Variants in SLC17A9 observed in about 807,000 individuals in gnomAD.
SLC17A9 encodes the protein voltage-gated purine nucleotide uniporter SLC17A9.
Under a neutral mutation model 55.0 loss-of-function variants are expected in SLC17A9, and 49 were observed. The ratio of observed to expected loss-of-function variants is 0.89; its 90% CI spans 0.71 to 1.13. The LOEUF (loss-of-function observed/expected upper bound fraction) is 1.13, where lower values mean the gene tolerates loss of function less well. Ranked by LOEUF, SLC17A9 falls within the 50% of genes most tolerant of loss-of-function variation. The pLI is 0.00. For missense variants in SLC17A9, 526 were observed against 569.3 expected (o/e 0.92, Z 0.77); for synonymous variants, 256 against 247.4 (o/e 1.03, Z -0.32).
At chr20:62,954,382 G>A (rs1045535247) in intron 1 of SLC17A9, among the ~76,000 whole-genome samples, 14 of 152,224 alleles carry the variant, frequency 9.2e-5, no homozygotes, top group Admixed American at 5.9e-4. Context: ...GCCCGGCCCC[G>A]CACAGTTCCC....
In SLC17A9 at chr20:62,969,009, A is replaced by G. The variant is rs1325955255; in HGVS notation, c.*1509A>G. 2 of 152,262 alleles carry G rather than the reference A, an allele frequency of 1.3e-5. No homozygotes were observed. The highest frequency in any genetic ancestry group is 2.1e-4 in the South Asian group (1 of 4,830). The allele number at this position is 152,262 out of a possible 1,614,324, so 9.4% of individuals were successfully genotyped here. A position where few individuals can be genotyped will look rare whatever the true frequency, so the allele number is the denominator to read the frequency against. On this transcript the variant is annotated 3_prime_UTR_variant, in exon 13 of 13. Transcript: ENST00000370351. ...TGGCACCATGGGTACAGCCTAGAGC[A>G]TCACCCCCACAGAGGCTTCGGGACG...
Position 62,967,905 on chromosome 20 carries a change from G to C in SLC17A9, c.*405G>C, listed in dbSNP as rs911400730. 3 of 170,400 alleles carry C rather than the reference G, an allele frequency of 1.8e-5. No homozygotes were observed. Among genetic ancestry groups the C allele is most frequent in the Non-Finnish European group, 2.5e-5 (2 of 79,412 alleles). The allele number at this position is 170,400 out of a possible 1,614,324, so 10.6% of individuals were successfully genotyped here. On this transcript the variant is annotated 3_prime_UTR_variant, in exon 13 of 13. Transcript: ENST00000370351. ...CCTCCTGCAGCGCCCGCCTGCCAAT[G>C]TGAGGCTGGCACCAGGCTGCAGCCT...
At chr20:62,959,452 G>A (rs2065570153) in intron 3 of SLC17A9, among the ~76,000 whole-genome samples, 1 of 152,238 alleles carries the variant, frequency 6.6e-6, no homozygotes, top group South Asian at 2.1e-4. Context: ...GGGGGTCTGG[G>A]GGGCAGCAAT....
rs747800729 is a variant in SLC17A9 at position 62,960,487 on chromosome 20, C to G, written c.398-17C>G. 2.5e-6 allele frequency: 4 copies of G among 1,607,824 alleles called. No homozygotes were observed. The African/African-American group carries it at 5.3e-5, about 21-fold the overall frequency. On this transcript the variant is annotated splice_polypyrimidine_tract_variant and intron_variant, in intron 3 of 12. Transcript: ENST00000370351. ...CCCTGGATGGACCCTGAGAGACCCT[C>G]CCTCCACTTGTTGCAGGGGTTTACT... is the stretch of plus-strand genomic sequence containing the variant.
chr20:62,954,128 C>T (rs957469239), intron 1 of SLC17A9, among the ~76,000 whole-genome samples: 8 of 118,376 alleles, frequency 6.8e-5, no homozygotes, highest in South Asian at 2.6e-4. Context: ...GAGCCCTTGC[C>T]GCAGCCTTCA....
chr20:62,961,429 C>T (rs2065587754), intron 4 of SLC17A9, among the ~76,000 whole-genome samples: 1 of 152,160 alleles, frequency 6.6e-6, no homozygotes. Context: ...GTCCTCCCTC[C>T]CTGCGCCCGC....
Position 62,967,345 on chromosome 20 carries a change from G to T in SLC17A9, c.1156G>T (p.Gly386Cys), listed in dbSNP as rs1007282827. Residue 386 changes from glycine to cysteine, a missense_variant, in exon 13 of 13, where the codon GGT (glycine) becomes TGT (cysteine). Transcript: ENST00000370351. ...GGCCCTCTCTTGGGCAGGTGTCGTG[G>T]GTGTGTGTCTAGGCGGCTACTTGAT... ...NTAGALAGVV[G>C]VCLGGYLMET... 2 of 1,613,966 alleles carry T rather than the reference G, an allele frequency of 1.2e-6. No individual in the cohort carries two copies. The highest frequency in any genetic ancestry group is 2.7e-5 in the African/African-American group (2 of 74,898).
chr20:62,963,171 C>T (rs2065603704), intron 5 of SLC17A9, 102 bp from the exon 6 acceptor site: 5 of 1,217,816 alleles, frequency 4.1e-6, no homozygotes, highest in Non-Finnish European at 5.8e-6. Flanking sequence ...ATGGACGAGG[C>T]CTGCTGACCC....
At chr20:62,960,304 C>A (rs2065578232) in intron 3 of SLC17A9, among the ~76,000 whole-genome samples, 200 bp from the exon 4 acceptor site, 2 of 152,224 alleles carry the variant, frequency 1.3e-5, no homozygotes, top group African/African-American at 4.8e-5. Flanking sequence ...GCGGGTGGCA[C>A]GACCCTGAGC....
rs571855103 is a variant in SLC17A9 at position 62,963,403 on chromosome 20, C to T, written c.725+34C>T. On this transcript the variant is annotated intron_variant, in intron 6 of 12. Transcript: ENST00000370351. ...GGACCTGTGCCACCCCTTGGAGCAG[C>T]GGCAGGGCCGGTGACCATGGGGGTG... is the stretch of plus-strand genomic sequence containing the variant. The T allele has an allele frequency of 2.8e-5, 45 of 1,600,724 alleles. No individual in the cohort carries two copies. The East Asian group carries it at 4.0e-4, about 14-fold the overall frequency.
rs1480204334 is a variant in SLC17A9, at chr20:62,967,846, C to T, written c.*346C>T. 5.5e-6 allele frequency: 1 copy of T among 182,370 alleles called. No individual in the cohort carries two copies. The highest frequency in any genetic ancestry group is 1.1e-5 in the Non-Finnish European group (1 of 88,074). The allele number at this position is 182,370 out of a possible 1,614,324, so 11.3% of individuals were successfully genotyped here. ...CACGATCTGTTCCGCGTGGTTCCCG[C>T]CAAACCTCCCTCGGTCGCCGTGTTC... On this transcript the variant is annotated 3_prime_UTR_variant, in exon 13 of 13. Transcript: ENST00000370351.
At chr20:62,956,696 CTG>C in intron 1 of SLC17A9, 67 bp from the exon 2 acceptor site, 13 of 1,445,786 alleles carry the variant, frequency 9.0e-6, no homozygotes, top group Non-Finnish European at 1.2e-5. Flanking sequence ...AGGGAGGTCT[CTG>C]AGTGATGAAC....
chr20:62,954,122 C>G (rs532019413), intron 1 of SLC17A9, among the ~76,000 whole-genome samples: 1 of 118,134 alleles, frequency 8.5e-6, no homozygotes, highest in Non-Finnish European at 1.8e-5. Context: ...AAAAAGGAGC[C>G]CTTGCCGCAG....
Position 62,961,369 on chromosome 20 carries a change from C to T in SLC17A9, c.497+766C>T, listed in dbSNP as rs553202963. Among the ~76,000 whole-genome samples the T allele has an allele frequency of 2.0e-4, 30 of 151,964 alleles. 1 individual carries two copies. The highest frequency in any genetic ancestry group is 6.8e-4 in the African/African-American group (28 of 41,408). ...TCCTCAGGGTGGGCCTATCAGCTGG[C>T]TGGAGGGCGGCTTGTCCTCATCCAC... On this transcript the variant is annotated intron_variant, in intron 4 of 12. Coordinates refer to ENST00000370351, the MANE Select transcript of SLC17A9 (RefSeq NM_022082.4).
chr20:62,957,740 G>A (rs2065550483), intron 3 of SLC17A9, among the ~76,000 whole-genome samples, 160 bp downstream of exon 3: 1 of 150,776 alleles, frequency 6.6e-6, no homozygotes, highest in Admixed American at 6.6e-5. Context: ...CTGTGTGTGT[G>A]TGCGTGTGTA....
At chr20:62,963,739 C>A in intron 7 of SLC17A9, 59 bp downstream of exon 7, 1 of 1,472,384 alleles carries the variant, frequency 6.8e-7, no homozygotes, top group Non-Finnish European at 9.2e-7. Flanking sequence ...GCTTGAGCTG[C>A]ACCAGGCACT....
rs764491097 is a variant in SLC17A9 at position 62,956,789 on chromosome 20, G to A, written c.84G>A (p.Gly28=). 1 of 1,612,438 alleles carries A rather than the reference G, an allele frequency of 6.2e-7. No homozygotes were observed. Among genetic ancestry groups the A allele is most frequent in the Non-Finnish European group, 8.5e-7 (1 of 1,179,844 alleles). ...WSRPECQAWT[G]TLLLGTCLLY... ...GGCCCGAGTGCCAGGCATGGACGGG[G>A]ACGCTGCTGCTGGGCACATGCCTTC... The change falls in exon 2 of 13, where the codon GGG becomes GGA. Residue 28 remains glycine (G), a synonymous_variant. Coordinates refer to ENST00000370351, the MANE Select transcript of SLC17A9 (RefSeq NM_022082.4).
At chr20:62,965,764 G>A (rs760629805) in intron 10 of SLC17A9, 39 bp downstream of exon 10, 88 of 1,593,552 alleles carry the variant, frequency 5.5e-5, no homozygotes, top group East Asian at 2.5e-4. Flanking sequence ...GCGCCGTGCT[G>A]CCCGCACGGC....
chr20:62,964,196 G>A (rs775608924), intron 7 of SLC17A9, 32 bp from the exon 8 acceptor site: 2 of 1,611,272 alleles, frequency 1.2e-6, no homozygotes, highest in Admixed American at 3.3e-5. Flanking sequence ...TGCCGGCCCT[G>A]GCCCCCTCTA....
Sources: gnomAD v4.1 joint callset for allele counts (sites outside exome capture counted in the v4.1 genomes callset) on GRCh38, gnomAD v4.1.1 for gene constraint, MANE v1.5 for transcripts, NCBI Gene and HGNC (gene_info 2026-07-23, HGNC 2026-07-21) for gene names.